AKAP3: variants seen among roughly 807,000 people sequenced by gnomAD.
AKAP3 encodes A-kinase anchor protein 3.
In AKAP3, 27 loss-of-function variants were observed where a neutral mutation model predicts 57.2. The observed-to-expected ratio is 0.47, with a 90% CI of 0.35 to 0.65. The LOEUF is 0.65. Among genes scored for constraint, AKAP3 ranks in the 30% least tolerant of loss-of-function variants. The probability of loss-of-function intolerance (pLI) is 0.01; values close to 1 mark genes in which losing one functional copy is unlikely to be tolerated. For missense variants in AKAP3, 959 were observed against 1,040.0 expected, an observed-to-expected ratio of 0.92 and a Z score of 1.07; for synonymous variants, 334 against 392.3, an observed-to-expected ratio of 0.85 and a Z score of 1.76.
chr12:4,631,846 G>A (rs998041026), intron 4 of AKAP3, among the ~76,000 whole-genome samples: 21 of 152,074 alleles, frequency 1.4e-4, no homozygotes, highest in African/African-American at 4.6e-4. Flanking sequence ...ATTTATCAGT[G>A]TTAGATATTA....
Position 4,626,534 on chromosome 12 carries a change from A to C in AKAP3, c.2368T>G (p.Leu790Val). The change falls in exon 5 of 6, where the codon TTG becomes GTG. Residue 790 changes from leucine to valine, a missense_variant. By Grantham distance (32) the Leu-to-Val change is conservative (BLOSUM62 1). Coordinates refer to ENST00000228850, the MANE Select transcript of AKAP3 (RefSeq NM_001278309.2). ...CCTTCATCATCACCAGCAAAATACA[A>C]AATAGGGACATTGAGCTCAGAGGCA... ...VAASELNVPI[L>V]YFAGDDEGIQ... 6.2e-7 allele frequency: 1 copy of C among 1,614,064 alleles called. No homozygotes were observed. The highest frequency in any genetic ancestry group is 8.5e-7 in the Non-Finnish European group (1 of 1,179,992).
chr12:4,648,955 T>A lies in AKAP3; in HGVS notation c.-455A>T, dbSNP rs1189547792. On this transcript the variant is annotated 5_prime_UTR_variant, in exon 1 of 6. Coordinates refer to ENST00000228850, the MANE Select transcript of AKAP3 (RefSeq NM_001278309.2). ...TTCCAACAGCCAAAGTCTTTTCACT[T>A]CCTTTCTTCCCCCTCTCCTTCACTT... 1.3e-5 allele frequency: 9 copies of A among 691,358 alleles called. No individual in the cohort carries two copies. The African/African-American group carries it at 1.4e-4, about 11-fold the overall frequency. 42.8% of individuals were successfully genotyped at this position (691,358 alleles called of 1,614,324 possible).
At chr12:4,635,124 C>T (rs530336344) in intron 4 of AKAP3, among the ~76,000 whole-genome samples, 1 of 152,234 alleles carries the variant, frequency 6.6e-6, no homozygotes, top group Admixed American at 6.5e-5. Context: ...AGTATACACA[C>T]AGTTCTCATT....
At chr12:4,639,371 G>A (rs370469514) in intron 3 of AKAP3, among the ~76,000 whole-genome samples, 9 of 151,650 alleles carry the variant, frequency 5.9e-5, no homozygotes, top group South Asian at 2.1e-4. Context: ...CTCGGTTGGC[G>A]TTAAAAAATT....
chr12:4,620,083 G>A (rs908981754), intron 5 of AKAP3, among the ~76,000 whole-genome samples: 1 of 152,008 alleles, frequency 6.6e-6, no homozygotes, highest in Non-Finnish European at 1.5e-5. Flanking sequence ...CAGTCCTATC[G>A]GATATTCAAA....
intron 4 of AKAP3, among the ~76,000 whole-genome samples, chr12:4,633,326 G>A (rs1164090510): frequency 2.0e-5 from 3 of 152,082 alleles, no homozygotes; most frequent in Non-Finnish European, 4.4e-5. Flanking sequence ...AACCTACAGC[G>A]TAGAATAGAG....
chr12:4,638,044 T>C lies in AKAP3; in HGVS notation c.96+57A>G, dbSNP rs188041345. On this transcript the variant is annotated intron_variant, in intron 4 of 5. Coordinates refer to ENST00000228850, the MANE Select transcript of AKAP3 (RefSeq NM_001278309.2). ...GGTATGGTGGAGAGAATAAGGCTAC[T>C]CTTAATGACAGCCCCCATATTCTTA... is the stretch of plus-strand genomic sequence containing the variant. 3.2e-4 allele frequency: 452 copies of C among 1,392,088 alleles called. No individual in the cohort carries two copies. The African/African-American group carries it at 5.3e-3, about 16-fold the overall frequency. 86.2% of individuals were successfully genotyped at this position (1,392,088 alleles called of 1,614,324 possible).
chr12:4,635,635 A>G (rs754059474), intron 4 of AKAP3: 2 of 781,676 alleles, frequency 2.6e-6, no homozygotes, highest in Non-Finnish European at 4.5e-6. Context: ...CTTGCCTCTG[A>G]AGTTCTTTAA....
At position 4,627,484 on chromosome 12, in the gene AKAP3, C is replaced by T. The variant is rs145486103; in HGVS notation, c.1418G>A (p.Gly473Asp). ...KTQQKECKSL[G>D]FQHAAFEAPN... is the part of the protein sequence containing the mutation. Reference sequence around the variant, plus strand: ...AGCTTCAAATGCTGCATGCTGGAAACCTAGAGATTTACATTCTTTCTGCTG... The same window carrying T: ...AGCTTCAAATGCTGCATGCTGGAAATCTAGAGATTTACATTCTTTCTGCTG... Residue 473 changes from glycine to aspartate, a missense_variant, in exon 5 of 6, where the codon GGT becomes GAT. Coordinates refer to ENST00000228850, the MANE Select transcript of AKAP3 (RefSeq NM_001278309.2). 1 of 1,614,136 alleles carries T rather than the reference C, an allele frequency of 6.2e-7. No individual in the cohort carries two copies. The highest frequency in any genetic ancestry group is 1.7e-5 in the Admixed American group (1 of 60,018).
rs1392913387 is a variant in AKAP3, at chr12:4,627,890, A to G, written c.1012T>C (p.Leu338=). 11 of 1,614,126 alleles carry G rather than the reference A, an allele frequency of 6.8e-6. No individual in the cohort carries two copies. Among genetic ancestry groups the G allele is most frequent in the Non-Finnish European group, 9.3e-6 (11 of 1,179,996 alleles). The change falls in exon 5 of 6, where the codon TTG becomes CTG. Residue 338 remains leucine (L), a synonymous_variant. Coordinates refer to ENST00000228850, the MANE Select transcript of AKAP3 (RefSeq NM_001278309.2). ...CCTGTGACGCTGTGGAGATTCCTCA[A>G]GAAGGAGTCGATGAGATCCGAGACC... ...EVVSDLIDSF[L]RNLHSVTGTL... is the part of the protein sequence containing the mutation.
chr12:4,633,161 C>T (rs1945520153), intron 4 of AKAP3, among the ~76,000 whole-genome samples: 1 of 150,552 alleles, frequency 6.6e-6, no homozygotes, highest in African/African-American at 2.4e-5. Context: ...GGTGCAGTTG[C>T]CTGCAGTCCC....
chr12:4,628,134 C>T lies in AKAP3; in HGVS notation c.768G>A (p.Glu256=). The change falls in exon 5 of 6, where the codon GAG becomes GAA. Residue 256 remains glutamate (E), a synonymous_variant. Coordinates refer to ENST00000228850, the MANE Select transcript of AKAP3 (RefSeq NM_001278309.2). ...FESRNGDYAR[E]GGRFFPRERK... ...TCTCCCGAGGAAAGAACCTTCCACCCTCTCTGGCATAATCTCCATTACGAG... is the reference window on the plus strand; with the variant it reads ...TCTCCCGAGGAAAGAACCTTCCACCTTCTCTGGCATAATCTCCATTACGAG... 8 of 1,614,158 alleles carry T rather than the reference C, an allele frequency of 5.0e-6. No homozygotes were observed. Among genetic ancestry groups the T allele is most frequent in the Non-Finnish European group, 6.8e-6 (8 of 1,180,010 alleles).
chr12:4,622,309 C>T (rs986811449), intron 5 of AKAP3, among the ~76,000 whole-genome samples: 1 of 152,070 alleles, frequency 6.6e-6, no homozygotes, highest in Non-Finnish European at 1.5e-5. Context: ...CAAAAAAGAG[C>T]CTGCCAACAG....
At position 4,628,282 on chromosome 12, in the gene AKAP3, T is replaced by A; in HGVS notation, c.620A>T (p.Gln207Leu). The A allele has an allele frequency of 1.9e-6, 3 of 1,614,120 alleles. No homozygotes were observed. The highest frequency in any genetic ancestry group is 2.5e-6 in the Non-Finnish European group (3 of 1,179,972). The change falls in exon 5 of 6, where the codon CAA becomes CTA. Residue 207 changes from glutamine to leucine, a missense_variant. Transcript: ENST00000228850. Reference sequence around the variant, plus strand: ...CTTGTATTTCAAATTTGGGGGACTTTGTGATGATCCCGAGACTCTGTCTCC... The same window carrying A: ...CTTGTATTTCAAATTTGGGGGACTTAGTGATGATCCCGAGACTCTGTCTCC... ...GSGDRVSGSS[Q>L]SPPNLKYKST...
chr12:4,626,753 A>C lies in AKAP3; in HGVS notation c.2149T>G (p.Cys717Gly). 1 of 1,613,430 alleles carries C rather than the reference A, an allele frequency of 6.2e-7. No homozygotes were observed. Among genetic ancestry groups the C allele is most frequent in the Non-Finnish European group, 8.5e-7 (1 of 1,179,968 alleles). ...GACCCTGTGCCCTTGGCTGGTAAGC[A>C]CTCATATAAACTATCTGGGAAGGCC... ...TSAFPDSLYE[C>G]LPAKGTGSAE... Residue 717 changes from cysteine (C) to glycine (G), a missense_variant, in exon 5 of 6, where the codon TGC becomes GGC. By Grantham distance (159) the Cys-to-Gly change is radical. Coordinates refer to ENST00000228850, the MANE Select transcript of AKAP3 (RefSeq NM_001278309.2).
chr12:4,635,559 C>T, intron 4 of AKAP3: 1 of 707,942 alleles, frequency 1.4e-6, no homozygotes, highest in African/African-American at 1.8e-5. Context: ...TCCTGGAAAT[C>T]TACTGCTCTT....
intron 4 of AKAP3, among the ~76,000 whole-genome samples, chr12:4,634,737 TAA>T (rs376384349): frequency 0.024 from 165 of 6,938 alleles, no homozygotes; most frequent in African/African-American, 0.027. Flanking sequence ...TTTACCCCAT[TAA>T]AAAAAAACAC....
chr12:4,626,904 A>T lies in AKAP3; in HGVS notation c.1998T>A (p.Ser666Arg), dbSNP rs200286404. Residue 666 changes from serine to arginine, a missense_variant, in exon 5 of 6, where the codon AGT becomes AGA. Physicochemically the swap from Ser to Arg is moderately radical, Grantham distance 110. Transcript: ENST00000228850. ...MAVSQIDGHMSGQMVEHLMNS... is the reference protein window; with the variant it reads ...MAVSQIDGHMRGQMVEHLMNS... ...TCATCAGATGTTCTACCATCTGCCC[A>T]CTCATGTGGCCATCTATCTGGCTGA... is the stretch of plus-strand genomic sequence containing the variant. The T allele has an allele frequency of 3.7e-6, 6 of 1,613,742 alleles. No homozygotes were observed. The highest frequency in any genetic ancestry group is 5.1e-6 in the Non-Finnish European group (6 of 1,180,000).
At position 4,627,399 on chromosome 12, in the gene AKAP3, G is replaced by A; in HGVS notation, c.1503C>T (p.Gly501=). The A allele has an allele frequency of 1.2e-6, 2 of 1,614,000 alleles. No individual in the cohort carries two copies. ...GAGGATATGGAGGAAGGCTGAGGTT[G>A]CCAATATCTTCAGGGTACTCAAAGG... The part of the protein sequence containing the change: ...DISFEYPEDI[G]NLSLPPYPPE... The change falls in exon 5 of 6, where the codon GGC becomes GGT. Residue 501 remains glycine (G), a synonymous_variant. Coordinates refer to ENST00000228850, the MANE Select transcript of AKAP3 (RefSeq NM_001278309.2).
Sources: allele counts gnomAD v4.1 joint callset (sites outside exome capture counted in the v4.1 genomes callset), GRCh38; gene constraint gnomAD v4.1.1; transcripts MANE v1.5; gene names NCBI Gene and HGNC (gene_info 2026-07-23, HGNC 2026-07-21).